RPH3A: variants seen among roughly 807,000 people sequenced by gnomAD.
RPH3A encodes rabphilin-3A.
RPH3A carries 48 observed loss-of-function variants against 102.2 expected under a neutral mutation model. That is an observed-to-expected ratio of 0.47 (90% CI 0.37 to 0.60). The LOEUF is 0.60. Among genes scored for constraint, RPH3A ranks in the 20% least tolerant of loss-of-function variants. The pLI, the probability that RPH3A is intolerant of heterozygous loss-of-function variation, is 0.00. For synonymous variants in RPH3A, 310 were observed against 324.3 expected (o/e 0.96, Z 0.47); for missense variants, 781 against 910.1 (o/e 0.86, Z 1.83).
chr12:112,694,313 A>G (rs556206626), intron 1 of RPH3A, among the ~76,000 whole-genome samples: 28 of 152,246 alleles, frequency 1.8e-4, no homozygotes, highest in African/African-American at 6.7e-4. Flanking sequence ...TCCACCTCTT[A>G]GCTGAGGTTT....
chr12:112,588,412 A>T (rs2039453659), intron 1 of RPH3A, among the ~76,000 whole-genome samples: 1 of 152,224 alleles, frequency 6.6e-6, no homozygotes, highest in Non-Finnish European at 1.5e-5. Context: ...GCAGGGGAAC[A>T]ACTGCCATAT....
rs372558414 is a variant in RPH3A, at chr12:112,866,889, C to T, written c.444+49C>T. 9.7e-5 allele frequency: 143 copies of T among 1,470,890 alleles called. No homozygotes were observed. The African/African-American group carries it at 1.8e-3, about 19-fold the overall frequency. 91.1% of individuals were successfully genotyped at this position (1,470,890 alleles called of 1,614,324 possible). A position where few individuals can be genotyped will look rare whatever the true frequency, so the allele number is the denominator to read the frequency against. On this transcript the variant is annotated intron_variant, in intron 7 of 21. Coordinates refer to ENST00000389385, the MANE Select transcript of RPH3A (RefSeq NM_001143854.2). Reference sequence around the variant, plus strand: ...TGCCTAGATCACCCTCCTTTCTTGGCCAGCTTAAGAGGTGCCTTAAGAGGT... The same window carrying T: ...TGCCTAGATCACCCTCCTTTCTTGGTCAGCTTAAGAGGTGCCTTAAGAGGT...
Position 112,881,711 on chromosome 12 carries a change from G to A in RPH3A, c.1252-61G>A, listed in dbSNP as rs549855048. Reference sequence around the variant, plus strand: ...GATGCCAGGGGCTATGCCCATTGCCGATGACAGCTGAGCACTGGGCCCTCC... The same window carrying A: ...GATGCCAGGGGCTATGCCCATTGCCAATGACAGCTGAGCACTGGGCCCTCC... On this transcript the variant is annotated intron_variant, in intron 14 of 21. Coordinates refer to ENST00000389385, the MANE Select transcript of RPH3A (RefSeq NM_001143854.2). 5.3e-5 allele frequency: 67 copies of A among 1,254,708 alleles called. 1 individual carries two copies. The highest frequency in any genetic ancestry group is 4.2e-4 in the South Asian group (31 of 74,366). The allele number at this position is 1,254,708 out of a possible 1,614,324, so 77.7% of individuals were successfully genotyped here.
intron 1 of RPH3A, among the ~76,000 whole-genome samples, chr12:112,586,057 G>T (rs573767818): frequency 6.6e-6 from 1 of 152,156 alleles, no homozygotes; most frequent in East Asian, 1.9e-4. Context: ...GTAAAAAGAA[G>T]AAAAAAATCC....
intron 1 of RPH3A, among the ~76,000 whole-genome samples, chr12:112,735,168 G>A (rs1294014021): frequency 2.0e-5 from 3 of 152,168 alleles, no homozygotes; most frequent in South Asian, 2.1e-4. Flanking sequence ...CGGGAAAATC[G>A]CCCAAGGAAG....
intron 7 of RPH3A, 69 bp from the exon 8 acceptor site, chr12:112,868,361 G>A: frequency 1.3e-6 from 2 of 1,498,772 alleles, no homozygotes; most frequent in Non-Finnish European, 1.8e-6. Context: ...GATAAAAATG[G>A]GCACTCATGA....
chr12:112,694,650 GCACACACA>G (rs71086119), intron 1 of RPH3A, among the ~76,000 whole-genome samples: 71 of 98,602 alleles, frequency 7.2e-4, no homozygotes, highest in Middle Eastern at 0.01. Flanking sequence ...GCGCGCACAC[GCACACACA>G]CACACACACA....
At chr12:112,822,433 G>A (rs1299910316) in intron 2 of RPH3A, among the ~76,000 whole-genome samples, 2 of 152,218 alleles carry the variant, frequency 1.3e-5, no homozygotes, top group Non-Finnish European at 2.9e-5. Flanking sequence ...GCTTTGCGTT[G>A]TTTTTTCCAT....
At chr12:112,785,666 G>A (rs949511181) in intron 1 of RPH3A, among the ~76,000 whole-genome samples, 2 of 152,150 alleles carry the variant, frequency 1.3e-5, no homozygotes, top group Non-Finnish European at 2.9e-5. Context: ...ACCATATAAG[G>A]AAGTGCTATC....
intron 13 of RPH3A, among the ~76,000 whole-genome samples, chr12:112,877,419 TACACACAC>T (rs3038114): frequency 2.4e-3 from 337 of 141,652 alleles, no homozygotes; most frequent in Non-Finnish European, 3.1e-3. Flanking sequence ...CACACACGTA[TACACACAC>T]ACACACACAC....
chr12:112,873,921 T>C (rs1306358546), intron 10 of RPH3A: 2 of 152,178 alleles, frequency 1.3e-5, no homozygotes, highest in Non-Finnish European at 2.9e-5. Flanking sequence ...AGCACAGGGA[T>C]TGGCACTTGG....
At chr12:112,697,844 G>A (rs1018974885) in intron 1 of RPH3A, among the ~76,000 whole-genome samples, 1 of 151,764 alleles carries the variant, frequency 6.6e-6, no homozygotes, top group Non-Finnish European at 1.5e-5. Context: ...CAGCCTGGGT[G>A]AGAAGAGTGA....
chr12:112,822,165 G>A (rs1381747700), intron 2 of RPH3A, among the ~76,000 whole-genome samples: 1 of 152,186 alleles, frequency 6.6e-6, no homozygotes, highest in African/African-American at 2.4e-5. Flanking sequence ...AAGAGACAAG[G>A]GGCAAGGAAA....
At chr12:112,677,426 CTT>C (rs1431517847) in intron 1 of RPH3A, among the ~76,000 whole-genome samples, 1 of 88,868 alleles carries the variant, frequency 1.1e-5, no homozygotes, top group Non-Finnish European at 2.3e-5. Context: ...TCCTTCCTTC[CTT>C]CCTTCCTTCC....
intron 4 of RPH3A, among the ~76,000 whole-genome samples, chr12:112,838,873 C>A (rs970397413): frequency 6.6e-6 from 1 of 152,064 alleles, no homozygotes; most frequent in Non-Finnish European, 1.5e-5. Context: ...GGCTAATTTC[C>A]TTTTGTCTCG....
chr12:112,735,395 G>A (rs2040662343), intron 1 of RPH3A, among the ~76,000 whole-genome samples: 1 of 152,174 alleles, frequency 6.6e-6, no homozygotes, highest in Admixed American at 6.5e-5. Flanking sequence ...GAGTGTGTGA[G>A]CCTCTAAGAA....
chr12:112,656,446 A>G (rs552573475), intron 1 of RPH3A, among the ~76,000 whole-genome samples: 54 of 152,280 alleles, frequency 3.5e-4, no homozygotes, highest in African/African-American at 1.2e-3. Context: ...GTATCTTCTC[A>G]GTGTCTTCCT....
intron 2 of RPH3A, among the ~76,000 whole-genome samples, chr12:112,819,087 GAT>G (rs1259046032): frequency 1.3e-5 from 2 of 151,586 alleles, no homozygotes; most frequent in African/African-American, 4.9e-5. Flanking sequence ...ATATATTTGA[GAT>G]ATATATATGT....
At chr12:112,713,100 C>CTTCTT (rs2040491115) in intron 1 of RPH3A, among the ~76,000 whole-genome samples, 2 of 91,164 alleles carry the variant, frequency 2.2e-5, no homozygotes, top group Non-Finnish European at 5.0e-5. Context: ...TCTTCTTCTT[C>CTTCTT]TTTTATTTTT....
Sources: allele counts gnomAD v4.1 joint callset (sites outside exome capture counted in the v4.1 genomes callset), GRCh38; gene constraint gnomAD v4.1.1; transcripts MANE v1.5; gene names NCBI Gene and HGNC (gene_info 2026-07-23, HGNC 2026-07-21).